ZFC3H1: variants seen among roughly 807,000 people sequenced by gnomAD.
ZFC3H1 encodes the protein zinc finger C3H1-type containing, also known as zinc finger C3H1 domain-containing protein.
A neutral mutation model predicts 243.7 loss-of-function variants in ZFC3H1; 71 were observed. The observed-to-expected ratio is 0.29, with a 90% CI of 0.24 to 0.36. ZFC3H1 has a LOEUF of 0.36. Ranked by LOEUF, ZFC3H1 falls within the 10% of genes least tolerant of loss-of-function variation. The pLI is 1.00. For missense variants in ZFC3H1, 1,966 were observed against 2,317.1 expected (o/e 0.85, Z 3.11); for synonymous variants, 838 against 813.0 (o/e 1.03, Z -0.52).
At chr12:71,641,816 T>C (rs1240733233) in intron 6 of ZFC3H1, among the ~76,000 whole-genome samples, 1 of 152,222 alleles carries the variant, frequency 6.6e-6, no homozygotes, top group Non-Finnish European at 1.5e-5. Context: ...AAGAGTTTGT[T>C]TTTTTAAAGA....
In ZFC3H1 at chr12:71,623,522, C is replaced by A. The variant is rs780189843; in HGVS notation, c.4582G>T (p.Ala1528Ser). ...KTSDRCLAWL[A>S]YIHLIEFNIL... ...TTGAATTCAATAAGATGTATGTAGGCCAACCATGCCAAACATCGATCACTG... is the reference window on the plus strand; with the variant it reads ...TTGAATTCAATAAGATGTATGTAGGACAACCATGCCAAACATCGATCACTG... Residue 1528 changes from alanine to serine, a missense_variant, in exon 24 of 35, where the codon GCC (alanine) becomes TCC (serine). Physicochemically the swap from Ala to Ser is moderately conservative, Grantham distance 99. Around this residue, in one of 4 missense-constraint regions of ZFC3H1, gnomAD observed 1,383 missense variants for 1,723.7 expected, o/e 0.80. Transcript: ENST00000378743. The A allele has an allele frequency of 1.7e-5, 27 of 1,613,532 alleles. No homozygotes were observed. The East Asian group carries it at 5.6e-4, about 33-fold the overall frequency.
Position 71,633,381 on chromosome 12 carries a change from C to T in ZFC3H1, c.2568G>A (p.Lys856=). Residue 856 remains lysine, a synonymous_variant, in exon 13 of 35, where the codon AAG becomes AAA. Transcript: ENST00000378743. ...CAGCATTTCTAACAGATTCTTTCTTCTTAGCTTCTTGTTGCACTAAATTCT... is the reference window on the plus strand; with the variant it reads ...CAGCATTTCTAACAGATTCTTTCTTTTTAGCTTCTTGTTGCACTAAATTCT... ...VLKNLVQQEA[K]KKESVRNAEA... The T allele has an allele frequency of 6.3e-7, 1 of 1,595,374 alleles. No homozygotes were observed. The highest frequency in any genetic ancestry group is 8.5e-7 in the Non-Finnish European group (1 of 1,170,472).
chr12:71,637,056 G>A lies in ZFC3H1; in HGVS notation c.1729C>T (p.Leu577=), dbSNP rs1239938897. Residue 577 remains leucine, a synonymous_variant, in exon 8 of 35, where the codon CTG becomes TTG. Transcript: ENST00000378743. ...ACATAAGGCTGGCTCAAAGGTGGCA[G>A]AGACTATTTTTTAAAAAAAGAAAGA... ...SLPPPPQVSS[L]PPLSQPYVEG... is the part of the protein sequence containing the mutation. The A allele has an allele frequency of 1.2e-6, 2 of 1,602,368 alleles. No homozygotes were observed. The highest frequency in any genetic ancestry group is 8.5e-7 in the Non-Finnish European group (1 of 1,176,806).
At chr12:71,633,171 G>A in intron 13 of ZFC3H1, 93 bp downstream of exon 13, 2 of 1,409,752 alleles carry the variant, frequency 1.4e-6, no homozygotes, top group Non-Finnish European at 1.9e-6. Context: ...TGCATATTTT[G>A]CTGGCTTTAG....
chr12:71,624,023 T>C (rs1592587394), intron 23 of ZFC3H1, 81 bp downstream of exon 23: 2 of 1,364,302 alleles, frequency 1.5e-6, no homozygotes, highest in Non-Finnish European at 2.0e-6. Flanking sequence ...CTTTCAACCA[T>C]TAAATAATGC....
chr12:71,629,649 A>G lies in ZFC3H1; in HGVS notation c.3786T>C (p.Ala1262=), dbSNP rs1233191010. The G allele has an allele frequency of 6.2e-7, 1 of 1,613,342 alleles. No individual in the cohort carries two copies. ...CATTGATATTGCTAACAAGGAGAAC[A>G]GCCATCTGGTCCATTGACATTCGAT... ...NKDRMSMDQM[A]VLLVSNINES... is the part of the protein sequence containing the mutation. The change falls in exon 19 of 35, where the codon GCT becomes GCC. Residue 1262 remains alanine (A), a synonymous_variant. Transcript: ENST00000378743.
chr12:71,630,846 T>A lies in ZFC3H1; in HGVS notation c.3579A>T (p.Thr1193=). 1.4e-5 allele frequency: 22 copies of A among 1,613,298 alleles called. No homozygotes were observed. Among genetic ancestry groups the A allele is most frequent in the Non-Finnish European group, 1.9e-5 (22 of 1,179,562 alleles). The stretch of plus-strand genomic sequence containing the variant: ...ACCATTGACAATCATCATCATTACA[T>A]GTTCCTGTTAAATCAAAACGGCAGA... ...QCFCRFDLTG[T]CNDDDCQWQH... is the part of the protein sequence containing the mutation. The change falls in exon 17 of 35, where the codon ACA becomes ACT. Residue 1193 remains threonine (T), a synonymous_variant. Transcript: ENST00000378743.
chr12:71,645,130 C>G, intron 3 of ZFC3H1, 55 bp from the exon 4 acceptor site: 1 of 1,461,014 alleles, frequency 6.8e-7, no homozygotes, highest in South Asian at 1.4e-5. Flanking sequence ...TTAGCTTACA[C>G]ATTTCATCAA....
rs753979724 is a variant in ZFC3H1, at chr12:71,634,211, C to A, written c.2454G>T (p.Arg818Ser). Residue 818 changes from arginine (R) to serine (S), a missense_variant, in exon 12 of 35, where the codon AGG (arginine) becomes AGT (serine). This residue lies in a region of ZFC3H1 where 1,383 missense variants were observed against 1,723.7 expected (regional missense o/e 0.80). Transcript: ENST00000378743. ...TAACCTGCTTAGTAACCATTGCTAT[C>A]CTGCCAATACCATCAATTTCCACAT... ...NSDVEIDGIGRIAMVTKQVTD... is the reference protein window; with the variant it reads ...NSDVEIDGIGSIAMVTKQVTD... 5 of 1,613,938 alleles carry A rather than the reference C, an allele frequency of 3.1e-6. No homozygotes were observed.
chr12:71,617,023 T>C (rs1233139608), intron 27 of ZFC3H1, among the ~76,000 whole-genome samples: 1 of 152,326 alleles, frequency 6.6e-6, no homozygotes, highest in Non-Finnish European at 1.5e-5. Flanking sequence ...AAAATTACCC[T>C]ATCTAGTTCT....
At chr12:71,642,022 G>A (rs1253162273) in intron 6 of ZFC3H1, among the ~76,000 whole-genome samples, 1 of 152,074 alleles carries the variant, frequency 6.6e-6, no homozygotes, top group Non-Finnish European at 1.5e-5. Flanking sequence ...GCGAATTTTT[G>A]TATTTTTAGT....
intron 2 of ZFC3H1, among the ~76,000 whole-genome samples, chr12:71,650,556 T>C (rs565857010): frequency 5.3e-5 from 8 of 152,228 alleles, no homozygotes; most frequent in South Asian, 2.1e-4. Flanking sequence ...ACCATAATAA[T>C]GAGAATATCC....
At chr12:71,621,817 C>T (rs1880036084) in intron 24 of ZFC3H1, among the ~76,000 whole-genome samples, 1 of 151,956 alleles carries the variant, frequency 6.6e-6, no homozygotes, top group African/African-American at 2.4e-5. Context: ...CCCCCCGCCT[C>T]ACCCCCATGT....
intron 33 of ZFC3H1, 135 bp downstream of exon 33, chr12:71,610,923 T>C: frequency 6.9e-7 from 1 of 1,448,332 alleles, no homozygotes; most frequent in Non-Finnish European, 9.4e-7. Context: ...GTTAACTACT[T>C]TTGTTTCCCC....
At chr12:71,623,216 T>C (rs1273190987) in intron 24 of ZFC3H1, 144 bp downstream of exon 24, 2 of 684,868 alleles carry the variant, frequency 2.9e-6, no homozygotes, top group Non-Finnish European at 4.6e-6. Flanking sequence ...TTAATTTGCC[T>C]AATAAATTGT....
At chr12:71,627,341 A>G (rs1184232005) in intron 21 of ZFC3H1, among the ~76,000 whole-genome samples, 2 of 152,180 alleles carry the variant, frequency 1.3e-5, no homozygotes, top group African/African-American at 4.8e-5. Flanking sequence ...GTTCTCAGAT[A>G]AGCTTTAAAT....
chr12:71,632,376 C>T lies in ZFC3H1; in HGVS notation c.2956G>A (p.Ala986Thr), dbSNP rs762938500. 4.3e-6 allele frequency: 7 copies of T among 1,613,410 alleles called. No individual in the cohort carries two copies. The South Asian group carries it at 5.5e-5, about 13-fold the overall frequency. Residue 986 changes from alanine (A) to threonine (T), a missense_variant, in exon 15 of 35, where the codon GCC becomes ACC. By Grantham distance (58) the Ala-to-Thr change is moderately conservative (BLOSUM62 0). Around this residue, in one of 4 missense-constraint regions of ZFC3H1, gnomAD observed 1,383 missense variants for 1,723.7 expected, o/e 0.80. Transcript: ENST00000378743. ...TGTTCCTTTGCTTTAAGGGCACGGG[C>T]TTCTTTTAATTTTTGAATTTTCAGG... ...YALKIQKLKE[A>T]RALKAKEQQN...
chr12:71,662,109 A>G (rs1881193692), intron 1 of ZFC3H1, among the ~76,000 whole-genome samples: 1 of 152,248 alleles, frequency 6.6e-6, no homozygotes, highest in African/African-American at 2.4e-5. Flanking sequence ...TTAAGTCAAG[A>G]TAGTGTTTTA....
At chr12:71,646,151 G>C (rs1037073623) in intron 3 of ZFC3H1, among the ~76,000 whole-genome samples, 5 of 152,154 alleles carry the variant, frequency 3.3e-5, no homozygotes, top group African/African-American at 1.2e-4. Context: ...ACCTGAATAT[G>C]AACTACTATA....
Sources: allele counts gnomAD v4.1 joint callset (sites outside exome capture counted in the v4.1 genomes callset), GRCh38; gene constraint gnomAD v4.1.1; regional missense constraint gnomAD v4.1.1; transcripts MANE v1.5; gene names NCBI Gene and HGNC (gene_info 2026-07-23, HGNC 2026-07-21).